The following SP140 variants were observed in gnomAD, a reference collection of about 807,000 sequenced individuals.
SP140 encodes SP140 nuclear body protein.
In SP140, 81 loss-of-function variants were observed where a neutral mutation model predicts 125.0. The ratio of observed to expected loss-of-function variants is 0.65; its 90% CI spans 0.54 to 0.78. The LOEUF (loss-of-function observed/expected upper bound fraction) is 0.78, where lower values mean the gene tolerates loss of function less well. SP140 is among the 30% of genes least tolerant of loss of function. SP140 has a pLI of 0.00. For missense variants in SP140, 858 were observed against 1,037.0 expected, an observed-to-expected ratio of 0.83 and a Z score of 2.37; for synonymous variants, 312 against 354.0, an observed-to-expected ratio of 0.88 and a Z score of 1.33.
At chr2:230,209,069 C>CACAGAAAAA (rs2044186642) in intron 1 of SP140, among the ~76,000 whole-genome samples, 3 of 152,060 alleles carry the variant, frequency 2.0e-5, no homozygotes, top group African/African-American at 7.2e-5. Context: ...ATTTTTGATT[C>CACAGAAAAA]TTTTTCTTTT....
Position 230,292,710 on chromosome 2 carries a change from C to A in SP140, c.1890C>A (p.Ile630=), listed in dbSNP as rs199761535. The change falls in exon 20 of 27, where the codon ATC becomes ATA. Residue 630 remains isoleucine, a synonymous_variant. Coordinates refer to ENST00000392045, the MANE Select transcript of SP140 (RefSeq NM_007237.5). ...GKWFTPTEFE[I]KGGHARSKNW... is the part of the protein sequence containing the mutation. ...GGTTCACCCCCACGGAATTTGAAAT[C>A]AAAGGAGGCCATGCAAGATCAAAGA... is the stretch of plus-strand genomic sequence containing the variant. 438 of 1,614,190 alleles carry A rather than the reference C, an allele frequency of 2.7e-4. 3 individuals are homozygous for A. The highest frequency in any genetic ancestry group is 3.3e-4 in the Admixed American group (20 of 60,020).
At chr2:230,231,926 G>C (rs1310886410) in intron 1 of SP140, among the ~76,000 whole-genome samples, 4 of 151,994 alleles carry the variant, frequency 2.6e-5, no homozygotes, top group African/African-American at 9.7e-5. Flanking sequence ...GGCCAGGCTG[G>C]TCTCAAACTC....
chr2:230,297,733 C>A (rs1046888790), intron 22 of SP140, among the ~76,000 whole-genome samples: 1 of 152,224 alleles, frequency 6.6e-6, no homozygotes, highest in Non-Finnish European at 1.5e-5. Context: ...AGCTCCAGAC[C>A]ACTGAGGTCT....
intron 1 of SP140, among the ~76,000 whole-genome samples, chr2:230,228,913 A>G (rs536482282): frequency 5.3e-5 from 8 of 152,218 alleles, no homozygotes; most frequent in Non-Finnish European, 8.8e-5. Context: ...ATATAGTTAG[A>G]TTAATATCTA....
At chr2:230,268,036 T>C (rs1032780393) in intron 12 of SP140, among the ~76,000 whole-genome samples, 11 of 152,192 alleles carry the variant, frequency 7.2e-5, no homozygotes, top group South Asian at 2.1e-4. Flanking sequence ...TTTGGATCAC[T>C]GTCTTCTAAC....
At chr2:230,242,669 A>G (rs1431064465) in intron 4 of SP140, among the ~76,000 whole-genome samples, 1 of 152,220 alleles carries the variant, frequency 6.6e-6, no homozygotes, top group Non-Finnish European at 1.5e-5. Context: ...TCTTTCTCTC[A>G]GAGACGGATC....
At chr2:230,273,624 C>T (rs1247207835) in intron 15 of SP140, among the ~76,000 whole-genome samples, 1 of 152,134 alleles carries the variant, frequency 6.6e-6, no homozygotes, top group Non-Finnish European at 1.5e-5. Context: ...ATAAATCATT[C>T]TATTATAAAG....
chr2:230,260,175 A>G (rs558013684), intron 12 of SP140, among the ~76,000 whole-genome samples: 2 of 152,006 alleles, frequency 1.3e-5, no homozygotes, highest in Non-Finnish European at 2.9e-5. Context: ...TTTGATTTGC[A>G]TTTCCCTGAT....
intron 21 of SP140, among the ~76,000 whole-genome samples, chr2:230,295,074 C>G (rs1036398571): frequency 2.6e-5 from 4 of 152,168 alleles, no homozygotes; most frequent in African/African-American, 9.7e-5. Context: ...GTGATTTTTC[C>G]CTCTCTTGAA....
chr2:230,290,654 A>T (rs2149479495), intron 19 of SP140, 90 bp downstream of exon 19: 1 of 1,141,828 alleles, frequency 8.8e-7, no homozygotes, highest in South Asian at 1.4e-5. Context: ...ACATCATTCA[A>T]GGAGTTTGGT....
intron 12 of SP140, among the ~76,000 whole-genome samples, chr2:230,257,208 TAAAG>T (rs921557717): frequency 2.6e-5 from 4 of 151,304 alleles, no homozygotes; most frequent in Non-Finnish European, 5.9e-5. Flanking sequence ...ATCTAACAAA[TAAAG>T]AAAGATTAGG....
intron 13 of SP140, 48 bp downstream of exon 13, chr2:230,269,666 A>G (rs532274666): frequency 4.8e-6 from 6 of 1,251,724 alleles, no homozygotes; most frequent in South Asian, 1.4e-5. Flanking sequence ...GTTCTGATAA[A>G]GAGAAAAAGG....
chr2:230,276,284 C>T (rs1441878793), intron 15 of SP140, among the ~76,000 whole-genome samples: 2 of 152,130 alleles, frequency 1.3e-5, no homozygotes, highest in Non-Finnish European at 2.9e-5. Context: ...GAAGCTAAGG[C>T]AGCAGGTGAC....
rs2044532769 is a variant in SP140 at position 230,211,977 on chromosome 2, G to A, written c.-322-1677G>A. 6.6e-6 allele frequency among the ~76,000 whole-genome samples: 1 copy of A among 152,074 alleles called. No homozygotes were observed. The highest frequency in any genetic ancestry group is 2.4e-5 in the African/African-American group (1 of 41,396). ...ATACAATTTGAGAAGCTAAATATTA[G>A]GTCTAGCAGACCTTTAAACATTTTA... On this transcript the variant is annotated intron_variant, in intron 1 of 4. Coordinates refer to the SP140 transcript ENST00000456542. The surrounding 1 kb of genome is among the most constrained non-coding windows in gnomAD (Gnocchi z 4.2).
chr2:230,269,492 C>T (rs1280027725), intron 12 of SP140, 40 bp from the exon 13 acceptor site: 1 of 1,273,506 alleles, frequency 7.9e-7, no homozygotes, highest in East Asian at 2.3e-5. Flanking sequence ...TGGTCATTGT[C>T]TCAGGATCCT....
intron 12 of SP140, among the ~76,000 whole-genome samples, chr2:230,256,915 T>C (rs893270522): frequency 2.6e-5 from 4 of 152,228 alleles, no homozygotes; most frequent in Non-Finnish European, 1.5e-5. Context: ...ATAGGTGTTA[T>C]AATTTTACTC....
chr2:230,288,645 G>A lies in SP140; in HGVS notation c.1720+679G>A, dbSNP rs181555056. 1.2e-3 allele frequency among the ~76,000 whole-genome samples: 187 copies of A among 151,940 alleles called. 2 individuals are homozygous for A. The highest frequency in any genetic ancestry group is 3.2e-3 in the Admixed American group (49 of 15,264). On this transcript the variant is annotated intron_variant, in intron 18 of 26. Coordinates refer to ENST00000392045, the MANE Select transcript of SP140 (RefSeq NM_007237.5). ...TAACCCCCAAATCCCGACAGGCCCC[G>A]GTGTGTGATGTTCTGTCCCTGTGTC... is the stretch of plus-strand genomic sequence containing the variant.
At chr2:230,263,153 A>G (rs1254939264) in intron 12 of SP140, among the ~76,000 whole-genome samples, 5 of 152,144 alleles carry the variant, frequency 3.3e-5, no homozygotes, top group African/African-American at 1.2e-4. Context: ...TGTTAGGTGC[A>G]TATATGTTTA....
At chr2:230,220,656 C>T (rs1461637767) in intron 3 of SP140, among the ~76,000 whole-genome samples, 1 of 152,134 alleles carries the variant, frequency 6.6e-6, no homozygotes, top group Non-Finnish European at 1.5e-5. Context: ...CACCCCTTCT[C>T]ATGCCCCTTT....
Sources: allele counts gnomAD v4.1 joint callset (sites outside exome capture counted in the v4.1 genomes callset), GRCh38; gene constraint gnomAD v4.1.1; non-coding constraint Gnocchi (gnomAD v3.1); transcripts MANE v1.5; gene names NCBI Gene and HGNC (gene_info 2026-07-23, HGNC 2026-07-21).